Variants in MFSD1 observed in about 807,000 individuals in gnomAD.
MFSD1 encodes the protein major facilitator superfamily domain containing 1, also known as lysosomal dipeptide transporter MFSD1.
Under a neutral mutation model 67.1 loss-of-function variants are expected in MFSD1, and 59 were observed. That is an observed-to-expected ratio of 0.88 (90% CI 0.71 to 1.09). The LOEUF (loss-of-function observed/expected upper bound fraction) is 1.09. Ranked by LOEUF, MFSD1 falls within the 50% of genes least tolerant of loss-of-function variation. The probability of loss-of-function intolerance (pLI) is 0.00; values close to 1 mark genes in which losing one functional copy is unlikely to be tolerated. For synonymous variants in MFSD1, 213 were observed against 200.3 expected (o/e 1.06, Z -0.54); for missense variants, 552 against 566.1 (o/e 0.97, Z 0.25).
At chr3:158,814,126 C>T in intron 7 of MFSD1, 59 bp downstream of exon 7, 1 of 1,337,528 alleles carries the variant, frequency 7.5e-7, no homozygotes, top group Non-Finnish European at 1.1e-6. Context: ...TAGGAAGTAT[C>T]ATAGCAGGGA....
At chr3:158,826,874 C>T (rs186304141) in intron 14 of MFSD1, among the ~76,000 whole-genome samples, 4 of 152,012 alleles carry the variant, frequency 2.6e-5, no homozygotes, top group African/African-American at 9.6e-5. Context: ...CCCTATGTTG[C>T]CCAGGCTGGT....
chr3:158,813,204 G>T (rs1730129372), intron 6 of MFSD1, among the ~76,000 whole-genome samples: 1 of 149,268 alleles, frequency 6.7e-6, no homozygotes, highest in African/African-American at 2.5e-5. Flanking sequence ...CTAGAGTGCA[G>T]TGGCATGATA....
chr3:158,820,112 G>A, intron 8 of MFSD1, 103 bp from the exon 9 acceptor site: 1 of 643,212 alleles, frequency 1.6e-6, no homozygotes. Flanking sequence ...AAGTTGAATT[G>A]CAAAGATTAA....
chr3:158,807,981 C>T (rs902788854), intron 5 of MFSD1, among the ~76,000 whole-genome samples: 4 of 152,220 alleles, frequency 2.6e-5, no homozygotes, highest in Admixed American at 6.5e-5. Flanking sequence ...CAGCCTTGGG[C>T]TTGCTGCCCT....
At position 158,809,283 on chromosome 3, in the gene MFSD1, G is replaced by A. The variant is rs1227688777; in HGVS notation, c.545G>A (p.Arg182Lys). ...LVFGLQLSMA[R>K]IGSTVNMNLM... ...TTTGGACTTCAACTTAGCATGGCTAGAATTGTAAGTATAATGAAAAGCCTG... is the reference window on the plus strand; with the variant it reads ...TTTGGACTTCAACTTAGCATGGCTAAAATTGTAAGTATAATGAAAAGCCTG... The change falls in exon 6 of 16, where the codon AGA becomes AAA. Residue 182 changes from arginine (R) to lysine (K), a missense_variant. Physicochemically the swap from Arg to Lys is conservative, Grantham distance 26. Coordinates refer to ENST00000415822, the MANE Select transcript of MFSD1 (RefSeq NM_022736.4). The A allele has an allele frequency of 2.5e-6, 4 of 1,593,446 alleles. No homozygotes were observed. The African/African-American group carries it at 5.4e-5, about 22-fold the overall frequency.
intron 1 of MFSD1, 120 bp downstream of exon 1, chr3:158,802,435 C>G (rs376423169): frequency 2.3e-5 from 26 of 1,115,958 alleles, no homozygotes; most frequent in East Asian, 1.2e-4. Context: ...GTCTTAAGCT[C>G]CTGGGCCTCC....
In MFSD1 at chr3:158,827,298, C is replaced by A; in HGVS notation, c.1355C>A (p.Ser452Tyr). ...GTTTTAGGTGGGAACCTAAATTATT[C>A]TGCAAGACAAAGGGAAGAAATAAAA... ...NRAQGGNLNY[S>Y]ARQREEIKFS... Residue 452 changes from serine to tyrosine, a missense_variant, in exon 15 of 16, where the codon TCT becomes TAT. By Grantham distance (144) the Ser-to-Tyr change is moderately radical. Transcript: ENST00000415822. 1 of 1,552,926 alleles carries A rather than the reference C, an allele frequency of 6.4e-7. No homozygotes were observed. The highest frequency in any genetic ancestry group is 8.7e-7 in the Non-Finnish European group (1 of 1,151,498).
At chr3:158,827,775 G>A (rs575213988) in intron 15 of MFSD1, among the ~76,000 whole-genome samples, 3 of 152,174 alleles carry the variant, frequency 2.0e-5, no homozygotes, top group East Asian at 1.9e-4. Context: ...GCTATTATGT[G>A]TGTGGAACTA....
chr3:158,826,044 T>A lies in MFSD1; in HGVS notation c.1318T>A (p.Leu440Met), dbSNP rs1293686680. The A allele has an allele frequency of 1.9e-6, 3 of 1,613,556 alleles. No homozygotes were observed. Among genetic ancestry groups the A allele is most frequent in the Non-Finnish European group, 8.5e-7 (1 of 1,179,690 alleles). The change falls in exon 14 of 16, where the codon TTG becomes ATG. Residue 440 changes from leucine (L) to methionine (M), a missense_variant. Leu to Met is a conservative substitution (Grantham distance 15). Transcript: ENST00000415822. ...ACTTTTATCTGTGGTCTTACTCTAT[T>A]TGGTGAATCGTGCCCAGGGTAAGTA... ...LSLLSVVLLY[L>M]VNRAQGGNLN...
At chr3:158,827,236 G>C (rs749579765) in intron 14 of MFSD1, 44 bp from the exon 15 acceptor site, 28 of 1,260,318 alleles carry the variant, frequency 2.2e-5, no homozygotes, top group Admixed American at 1.2e-4. Flanking sequence ...TTTACTTACT[G>C]ATAATACTTA....
chr3:158,827,922 G>GAA (rs1559926526), intron 15 of MFSD1, among the ~76,000 whole-genome samples: 1 of 78,836 alleles, frequency 1.3e-5, no homozygotes, highest in African/African-American at 7.6e-5. Flanking sequence ...GGGGGAGAGA[G>GAA]AGAGAGAGAG....
At chr3:158,826,630 A>C (rs888519186) in intron 14 of MFSD1, among the ~76,000 whole-genome samples, 2 of 150,750 alleles carry the variant, frequency 1.3e-5, no homozygotes, top group African/African-American at 4.9e-5. Flanking sequence ...AAATAATTTC[A>C]GGTCATTTCC....
intron 7 of MFSD1, 59 bp downstream of exon 7, chr3:158,814,126 C>A: frequency 7.5e-7 from 1 of 1,337,524 alleles, no homozygotes; most frequent in Non-Finnish European, 1.1e-6. Context: ...TAGGAAGTAT[C>A]ATAGCAGGGA....
chr3:158,804,572 G>C (rs1270920779), intron 2 of MFSD1, among the ~76,000 whole-genome samples: 1 of 152,160 alleles, frequency 6.6e-6, no homozygotes, highest in Admixed American at 6.5e-5. Flanking sequence ...TAGCACATAT[G>C]TGACTTGAAA....
chr3:158,819,671 A>G lies in MFSD1; in HGVS notation c.675A>G (p.Ser225=), dbSNP rs201231747. ...LMIGGITCIL[S]LICALALAYL... ...TAGGGGGTATAACGTGTATTCTTTC[A>G]CTAATCTGTGCCTTGGCTCTTGCCT... is the stretch of plus-strand genomic sequence containing the variant. Residue 225 remains serine, a synonymous_variant, in exon 8 of 16, where the codon TCA becomes TCG. Transcript: ENST00000415822. 207 of 1,593,144 alleles carry G rather than the reference A, an allele frequency of 1.3e-4. No individual in the cohort carries two copies. The highest frequency in any genetic ancestry group is 1.7e-4 in the Non-Finnish European group (199 of 1,168,202).
chr3:158,812,448 C>T (rs1157096681), intron 6 of MFSD1, among the ~76,000 whole-genome samples: 3 of 152,134 alleles, frequency 2.0e-5, no homozygotes, highest in Non-Finnish European at 4.4e-5. Context: ...ATTTCACCTC[C>T]TCAAGATCTC....
Position 158,820,321 on chromosome 3 carries a change from T to C in MFSD1, c.858T>C (p.Leu286=). 6.3e-7 allele frequency: 1 copy of C among 1,592,644 alleles called. No homozygotes were observed. The highest frequency in any genetic ancestry group is 8.6e-7 in the Non-Finnish European group (1 of 1,160,752). The change falls in exon 9 of 16, where the codon CTT becomes CTC. Residue 286 remains leucine (L), a synonymous_variant. Transcript: ENST00000415822. ...TTGCTGTGTTCCCTTTTATTGGACT[T>C]GGGAAGTGAGTATTCTCTATGTTTC... ...YYVAVFPFIG[L]GKVFFTEKFG... is the part of the protein sequence containing the mutation.
intron 5 of MFSD1, among the ~76,000 whole-genome samples, chr3:158,808,729 G>C (rs1729849427): frequency 6.6e-6 from 1 of 152,054 alleles, no homozygotes; most frequent in Non-Finnish European, 1.5e-5. Flanking sequence ...AGGACAGCTT[G>C]TCTTTGCCTC....
chr3:158,824,391 A>G (rs540933089), intron 13 of MFSD1, 155 bp downstream of exon 13: 2 of 624,964 alleles, frequency 3.2e-6, no homozygotes, highest in Middle Eastern at 3.0e-4. Flanking sequence ...ATTCACAGGC[A>G]TTTTTTAGGA....
Sources: allele counts gnomAD v4.1 joint callset (sites outside exome capture counted in the v4.1 genomes callset), GRCh38; gene constraint gnomAD v4.1.1; transcripts MANE v1.5; gene names NCBI Gene and HGNC (gene_info 2026-07-23, HGNC 2026-07-21).